The following TMEM178A variants were observed in gnomAD, a reference collection of about 807,000 sequenced individuals.
The protein encoded by TMEM178A is transmembrane protein 178.
Under a neutral mutation model 29.1 loss-of-function variants are expected in TMEM178A, and 12 were observed. The observed-to-expected ratio is 0.41, with a 90% confidence interval of 0.26 to 0.67. TMEM178A has a LOEUF of 0.67. TMEM178A is among the 30% of genes least tolerant of loss of function. TMEM178A has a pLI of 0.29. For missense variants in TMEM178A, 366 were observed against 419.1 expected (o/e 0.87, Z 1.11); for synonymous variants, 210 against 187.2 (o/e 1.12, Z -0.99).
intron 1 of TMEM178A, among the ~76,000 whole-genome samples, chr2:39,679,396 T>TA (rs11384138): frequency 0.47 from 70,867 of 150,904 alleles, 17,076 homozygotes; most frequent in East Asian, 0.77. Flanking sequence ...TACTTGGTGT[T>TA]AAAAAAAAAG....
chr2:39,704,178 T>C lies in TMEM178A; in HGVS notation c.498T>C (p.Asp166=), dbSNP rs748956486. 2 of 1,614,082 alleles carry C rather than the reference T, an allele frequency of 1.2e-6. No homozygotes were observed. Among genetic ancestry groups the C allele is most frequent in the Non-Finnish European group, 1.7e-6 (2 of 1,179,950 alleles). The change falls in exon 2 of 4, where the codon GAT becomes GAC. Residue 166 remains aspartate (D), a synonymous_variant. Coordinates refer to ENST00000281961, the MANE Select transcript of TMEM178A (RefSeq NM_152390.3). ...PFNLTKTIQQ[D]EWHLLHLRRI... ...ATTTAACCAAGACCATACAGCAAGATGAGTGGCACCTGCTTCGTAAGTATT... is the reference window on the plus strand; with the variant it reads ...ATTTAACCAAGACCATACAGCAAGACGAGTGGCACCTGCTTCGTAAGTATT...
rs1206003885 is a variant in TMEM178A at position 39,666,223 on chromosome 2, G to A, written c.249G>A (p.Gly83=). The A allele has an allele frequency of 1.5e-6, 2 of 1,349,156 alleles. No homozygotes were observed. Among genetic ancestry groups the A allele is most frequent in the South Asian group, 1.9e-5 (1 of 52,446 alleles). 83.6% of individuals were successfully genotyped at this position (1,349,156 alleles called of 1,614,324 possible). The change falls in exon 1 of 4, where the codon GGG becomes GGA. Residue 83 remains glycine (G), a synonymous_variant. Coordinates refer to ENST00000281961, the MANE Select transcript of TMEM178A (RefSeq NM_152390.3). Reference sequence around the variant, plus strand: ...GCCGGCTGCTCCCGGGCGGCCCGGGGCGCGCCGACCCCGAGTCCTGGCGCT... The same window carrying A: ...GCCGGCTGCTCCCGGGCGGCCCGGGACGCGCCGACCCCGAGTCCTGGCGCT... The part of the protein sequence containing the change: ...LGRRLLPGGP[G]RADPESWRSL...
At chr2:39,729,355 A>G in the TMEM178A span, among the ~76,000 whole-genome samples, 2 of 152,272 alleles carry the variant, frequency 1.3e-5, no homozygotes, top group African/African-American at 4.8e-5. Context: ...CATAGCTCAC[A>G]TCTGAATCCA....
chr2:39,700,002 G>C (rs1337673486), intron 1 of TMEM178A, among the ~76,000 whole-genome samples: 1 of 152,094 alleles, frequency 6.6e-6, no homozygotes, highest in Non-Finnish European at 1.5e-5. Flanking sequence ...ATTGTGGTGA[G>C]AGAACTTACT....
intron 1 of TMEM178A, among the ~76,000 whole-genome samples, chr2:39,674,184 A>G (rs1670519133): frequency 6.6e-6 from 1 of 152,206 alleles, no homozygotes; most frequent in Admixed American, 6.5e-5. Flanking sequence ...GCCAACATCA[A>G]CGGTTCAATA....
At chr2:39,734,451 C>G in the TMEM178A span, among the ~76,000 whole-genome samples, 1 of 152,240 alleles carries the variant, frequency 6.6e-6, no homozygotes, top group African/African-American at 2.4e-5. Flanking sequence ...CAGCCCTGGT[C>G]TTATTCTCCT....
At chr2:39,705,430 G>T (rs1028866253) in intron 2 of TMEM178A, among the ~76,000 whole-genome samples, 17 of 152,164 alleles carry the variant, frequency 1.1e-4, no homozygotes, top group Non-Finnish European at 2.9e-5. Flanking sequence ...AAATTTGGGA[G>T]GCTGTAAGAT....
chr2:39,712,813 T>A (rs1672370194), intron 3 of TMEM178A, among the ~76,000 whole-genome samples: 1 of 152,188 alleles, frequency 6.6e-6, no homozygotes, highest in South Asian at 2.1e-4. Context: ...ACCATTAGAT[T>A]TTGAACTTTC....
At chr2:39,709,969 G>T (rs1342134412) in intron 3 of TMEM178A, among the ~76,000 whole-genome samples, 2 of 152,214 alleles carry the variant, frequency 1.3e-5, no homozygotes, top group African/African-American at 2.4e-5. Flanking sequence ...GGGCCAGTCT[G>T]GTTTTAAATG....
chr2:39,670,543 A>C (rs1670370079), intron 1 of TMEM178A, among the ~76,000 whole-genome samples: 1 of 152,244 alleles, frequency 6.6e-6, no homozygotes, highest in Non-Finnish European at 1.5e-5. Context: ...CAGAAAATAC[A>C]GGGCAGAGTG....
At chr2:39,680,179 T>C (rs1193403919) in intron 1 of TMEM178A, among the ~76,000 whole-genome samples, 2 of 152,188 alleles carry the variant, frequency 1.3e-5, no homozygotes, top group Admixed American at 6.5e-5. Context: ...CATATGTAAA[T>C]ATGGAGGTTG....
chr2:39,723,937 G>A, the TMEM178A span, among the ~76,000 whole-genome samples: 2 of 152,168 alleles, frequency 1.3e-5, no homozygotes, highest in Non-Finnish European at 2.9e-5. Flanking sequence ...GGGTCCCTTT[G>A]GAAGTTACTG....
intron 1 of TMEM178A, among the ~76,000 whole-genome samples, chr2:39,695,574 T>G (rs1671504285): frequency 6.6e-6 from 1 of 151,504 alleles, no homozygotes; most frequent in African/African-American, 2.4e-5. Context: ...CTAAAGTTAG[T>G]GATGTAGGCT....
intron 3 of TMEM178A, among the ~76,000 whole-genome samples, chr2:39,710,411 G>A (rs551703041): frequency 4.2e-4 from 64 of 152,118 alleles, no homozygotes; most frequent in African/African-American, 1.5e-3. Flanking sequence ...CCTTTATTTT[G>A]GACCAAATCT....
chr2:39,667,620 G>T (rs905461156), intron 1 of TMEM178A, among the ~76,000 whole-genome samples: 1 of 152,178 alleles, frequency 6.6e-6, no homozygotes, highest in Non-Finnish European at 1.5e-5. Context: ...TTAATAATGT[G>T]TTGGCCTTCA....
At chr2:39,696,937 C>A (rs191157810) in intron 1 of TMEM178A, among the ~76,000 whole-genome samples, 95 of 152,226 alleles carry the variant, frequency 6.2e-4, no homozygotes, top group African/African-American at 2.1e-3. Flanking sequence ...CATGTTTCTT[C>A]CCCCCATTGT....
chr2:39,702,688 G>C (rs1671837972), intron 1 of TMEM178A, among the ~76,000 whole-genome samples: 2 of 146,760 alleles, frequency 1.4e-5, no homozygotes, highest in Admixed American at 1.4e-4. Context: ...AAAAAAAAAA[G>C]AACTTCGAAT....
At chr2:39,705,966 T>C (rs1672013481) in intron 2 of TMEM178A, among the ~76,000 whole-genome samples, 1 of 152,160 alleles carries the variant, frequency 6.6e-6, no homozygotes, top group South Asian at 2.1e-4. Flanking sequence ...AGCGAACAAT[T>C]TTTAAAGTTA....
intron 1 of TMEM178A, among the ~76,000 whole-genome samples, chr2:39,670,632 T>C (rs1036681704): frequency 6.6e-6 from 1 of 152,212 alleles, no homozygotes; most frequent in Non-Finnish European, 1.5e-5. Flanking sequence ...ACTGGATGAA[T>C]AGGAAGACAG....
Sources: allele counts gnomAD v4.1 joint callset (sites outside exome capture counted in the v4.1 genomes callset), GRCh38; gene constraint gnomAD v4.1.1; transcripts MANE v1.5; gene names NCBI Gene and HGNC (gene_info 2026-07-23, HGNC 2026-07-21).